HS6ST3: variants seen among roughly 807,000 people sequenced by gnomAD.
The protein encoded by HS6ST3 is heparan sulfate 6-O-sulfotransferase 3.
HS6ST3 carries 12 observed loss-of-function variants against 36.7 expected under a neutral mutation model. The ratio of observed to expected loss-of-function variants is 0.33; its 90% confidence interval spans 0.21 to 0.53. The LOEUF (loss-of-function observed/expected upper bound fraction) is 0.53, where lower values mean the gene tolerates loss of function less well. Ranked by LOEUF, HS6ST3 falls within the 20% of genes least tolerant of loss-of-function variation. The probability of loss-of-function intolerance (pLI) is 0.95; values close to 1 mark genes in which losing one functional copy is unlikely to be tolerated. For synonymous variants in HS6ST3, 240 were observed against 257.5 expected, an observed-to-expected ratio of 0.93 and a Z score of 0.65; for missense variants, 584 against 640.9, an observed-to-expected ratio of 0.91 and a Z score of 0.96.
chr13:96,281,006 G>T (rs531131767), intron 1 of HS6ST3, among the ~76,000 whole-genome samples: 1 of 152,070 alleles, frequency 6.6e-6, no homozygotes, highest in South Asian at 2.1e-4. Flanking sequence ...ACAGAAATTT[G>T]TATCTTTTTT....
intron 1 of HS6ST3, among the ~76,000 whole-genome samples, chr13:96,567,731 A>G (rs2056286765): frequency 6.6e-6 from 1 of 152,240 alleles, no homozygotes; most frequent in Admixed American, 6.5e-5. Flanking sequence ...GTGAATACAC[A>G]CATAATATCT....
chr13:96,587,552 G>C (rs142116497), intron 1 of HS6ST3, among the ~76,000 whole-genome samples: 163 of 152,324 alleles, frequency 1.1e-3, no homozygotes, highest in African/African-American at 3.7e-3. Context: ...AAGATGGATG[G>C]CATCACGTGG....
At chr13:96,223,087 C>A (rs1412593928) in intron 1 of HS6ST3, among the ~76,000 whole-genome samples, 1 of 152,168 alleles carries the variant, frequency 6.6e-6, no homozygotes, top group East Asian at 1.9e-4. Flanking sequence ...GTGACTCTTA[C>A]TATTGTTAGC....
At chr13:96,692,526 T>C (rs1302483972) in intron 1 of HS6ST3, among the ~76,000 whole-genome samples, 3 of 152,180 alleles carry the variant, frequency 2.0e-5, no homozygotes, top group Non-Finnish European at 2.9e-5. Context: ...CACTATTATG[T>C]TCCCAAATCT....
At chr13:96,602,737 CTGATGTCTG>C (rs2056426067) in intron 1 of HS6ST3, among the ~76,000 whole-genome samples, 1 of 152,166 alleles carries the variant, frequency 6.6e-6, no homozygotes, top group Non-Finnish European at 1.5e-5. Context: ...GGATCTAGAA[CTGATGTCTG>C]TGAGTACTAT....
intron 1 of HS6ST3, among the ~76,000 whole-genome samples, chr13:96,399,726 A>G (rs558116197): frequency 1.8e-4 from 27 of 152,348 alleles, no homozygotes; most frequent in South Asian, 1.0e-3. Flanking sequence ...GGCTGGTGCC[A>G]TTGGTCATGC....
At chr13:96,774,077 A>G (rs530106610) in intron 1 of HS6ST3, among the ~76,000 whole-genome samples, 40 of 152,316 alleles carry the variant, frequency 2.6e-4, no homozygotes, top group African/African-American at 9.4e-4. Flanking sequence ...GCCAATATGC[A>G]GAAAAGGGGC....
intron 1 of HS6ST3, among the ~76,000 whole-genome samples, chr13:96,127,243 G>A (rs1439562805): frequency 2.0e-5 from 3 of 152,288 alleles, no homozygotes; most frequent in Middle Eastern, 3.4e-3. Flanking sequence ...TATGTCAGTG[G>A]TTCCCAACAT....
chr13:96,339,610 G>A (rs1290963668), intron 1 of HS6ST3, among the ~76,000 whole-genome samples: 1 of 152,182 alleles, frequency 6.6e-6, no homozygotes, highest in Non-Finnish European at 1.5e-5. Context: ...ACTATCAAGC[G>A]ATCAAATAGA....
At chr13:96,498,931 A>C (rs960762705) in intron 1 of HS6ST3, among the ~76,000 whole-genome samples, 20 of 152,224 alleles carry the variant, frequency 1.3e-4, no homozygotes, top group African/African-American at 4.3e-4. Context: ...ATGTTAAATA[A>C]GATTTCTCAT....
intron 1 of HS6ST3, among the ~76,000 whole-genome samples, chr13:96,182,319 T>C (rs1202416084): frequency 1.3e-5 from 2 of 152,218 alleles, no homozygotes; most frequent in African/African-American, 4.8e-5. Context: ...CAGCAGTTGC[T>C]AAAAGTATGC....
chr13:96,402,561 G>C (rs78489494), intron 1 of HS6ST3, among the ~76,000 whole-genome samples: 3 of 152,078 alleles, frequency 2.0e-5, no homozygotes, highest in Admixed American at 6.6e-5. Flanking sequence ...TAAGTTCCTC[G>C]TGCCTCTTTG....
At chr13:96,811,441 A>G (rs916965422) in intron 1 of HS6ST3, among the ~76,000 whole-genome samples, 27 of 152,232 alleles carry the variant, frequency 1.8e-4, no homozygotes, top group Admixed American at 1.6e-3. Flanking sequence ...CTTGAGCTCT[A>G]TGTAAATAGG....
chr13:96,113,271 G>A (rs1249335600), intron 1 of HS6ST3, among the ~76,000 whole-genome samples: 1 of 152,156 alleles, frequency 6.6e-6, no homozygotes, highest in East Asian at 1.9e-4. Flanking sequence ...CTATCTATGG[G>A]GAGAAGCCAG....
chr13:96,604,257 A>G (rs906018109), intron 1 of HS6ST3, among the ~76,000 whole-genome samples: 7 of 152,170 alleles, frequency 4.6e-5, no homozygotes, highest in Non-Finnish European at 1.0e-4. Flanking sequence ...ATTTTTTCAC[A>G]CTGTAGAATA....
intron 1 of HS6ST3, among the ~76,000 whole-genome samples, chr13:96,408,694 C>T (rs1253390059): frequency 2.0e-5 from 3 of 152,030 alleles, no homozygotes; most frequent in Non-Finnish European, 4.4e-5. Flanking sequence ...GAGACCGAGG[C>T]GGGTGGATCA....
intron 1 of HS6ST3, among the ~76,000 whole-genome samples, chr13:96,228,928 C>T (rs916037042): frequency 3.4e-4 from 51 of 152,156 alleles, no homozygotes; most frequent in African/African-American, 1.1e-3. Context: ...GAGGAATGTG[C>T]GTGTAGGCGT....
intron 1 of HS6ST3, among the ~76,000 whole-genome samples, chr13:96,575,443 G>A (rs2056317081): frequency 1.3e-5 from 2 of 152,212 alleles, no homozygotes. Flanking sequence ...CACATCATAG[G>A]AGAGTGAGCA....
At chr13:96,649,985 T>G (rs2056602113) in intron 1 of HS6ST3, among the ~76,000 whole-genome samples, 1 of 151,938 alleles carries the variant, frequency 6.6e-6, no homozygotes, top group South Asian at 2.1e-4. Flanking sequence ...TGTAAGTTAT[T>G]CTTTCTGACC....
Sources: allele counts gnomAD v4.1 joint callset (sites outside exome capture counted in the v4.1 genomes callset), GRCh38; gene constraint gnomAD v4.1.1; transcripts MANE v1.5; gene names NCBI Gene and HGNC (gene_info 2026-07-23, HGNC 2026-07-21).